Variants in MGST1 observed in about 807,000 individuals in gnomAD.
MGST1 encodes the protein glutathione S-transferase 12.
Under a neutral mutation model 8.9 loss-of-function variants are expected in MGST1, and 5 were observed. The observed-to-expected ratio is 0.56, with a 90% CI of 0.29 to 1.19. The LOEUF is 1.19. Among genes scored for constraint, MGST1 ranks in the 50% most tolerant of loss-of-function variants. The pLI, the probability that MGST1 is intolerant of heterozygous loss-of-function variation, is 0.08. For synonymous variants in MGST1, 54 were observed against 67.8 expected, an observed-to-expected ratio of 0.80 and a Z score of 1.00; for missense variants, 182 against 187.4, an observed-to-expected ratio of 0.97 and a Z score of 0.17.
intron 4 of MGST1, among the ~76,000 whole-genome samples, chr12:16,473,753 C>T (rs1941302987): frequency 6.6e-6 from 1 of 152,094 alleles, no homozygotes; most frequent in African/African-American, 2.4e-5. Flanking sequence ...CGACAGCTCA[C>T]ACCTGTAATC....
chr12:16,377,303 C>A (rs1438945155), downstream of MGST1: 4 of 120,618 alleles, frequency 3.3e-5, no homozygotes, highest in South Asian at 3.5e-4. Flanking sequence ...CCCCTCCCCC[C>A]ACCCCGCAAC....
intron 4 of MGST1, among the ~76,000 whole-genome samples, chr12:16,539,004 A>G (rs1165452463): frequency 6.6e-6 from 1 of 152,194 alleles, no homozygotes; most frequent in Non-Finnish European, 1.5e-5. Flanking sequence ...AGATTTATTC[A>G]CTACCATGAG....
intron 1 of MGST1, among the ~76,000 whole-genome samples, chr12:16,351,329 C>CAA (rs3028593): frequency 0.68 from 103,868 of 151,772 alleles, 36,099 homozygotes; most frequent in Middle Eastern, 0.75. Flanking sequence ...AATACTAGAA[C>CAA]AAGCAGACAC....
intron 4 of MGST1, among the ~76,000 whole-genome samples, chr12:16,523,455 A>G (rs759179822): frequency 1.3e-5 from 2 of 151,824 alleles, no homozygotes; most frequent in Non-Finnish European, 2.9e-5. Context: ...CTCTCCTCCT[A>G]CCTCTTCCAG....
intron 4 of MGST1, among the ~76,000 whole-genome samples, chr12:16,453,762 T>C (rs1457292234): frequency 6.6e-6 from 1 of 151,846 alleles, no homozygotes; most frequent in African/African-American, 2.4e-5. Flanking sequence ...CTTACCCTCA[T>C]CTCTGCCTTC....
Position 16,477,561 on chromosome 12 carries a change from C to T in MGST1, n.482+93957C>T, listed in dbSNP as rs552672245. On this transcript the variant is annotated intron_variant and non_coding_transcript_variant, in intron 4 of 4. Coordinates refer to the MGST1 transcript ENST00000538857. ...TAGGGTATTTTTAAAAATAAAATTA[C>T]TATCTTACTTGTATACTACTCAACT... Among the ~76,000 whole-genome samples the T allele has an allele frequency of 3.3e-5, 5 of 152,212 alleles. No individual in the cohort carries two copies. In the South Asian group the frequency reaches 1.0e-3, roughly 32 times the overall value.
rs1940100171 is a variant in MGST1 at position 16,363,674 on chromosome 12, A to G, written c.222-121A>G. On this transcript the variant is annotated intron_variant, in intron 3 of 3. Coordinates refer to ENST00000396210, the MANE Select transcript of MGST1 (RefSeq NM_020300.5). This position sits in a 1 kb window ranked among gnomAD's most constrained non-coding sequence, Gnocchi z 4.6. Reference sequence around the variant, plus strand: ...AGACAATTTGAGAGAAAAAAAATAAATCTTACTTTGAAATTTAAGGATCCA... The same window carrying G: ...AGACAATTTGAGAGAAAAAAAATAAGTCTTACTTTGAAATTTAAGGATCCA... The G allele has an allele frequency of 4.9e-6, 4 of 824,094 alleles. No homozygotes were observed. The highest frequency in any genetic ancestry group is 1.7e-5 in the African/African-American group (1 of 58,076). The allele number at this position is 824,094 out of a possible 1,614,324, so 51.0% of individuals were successfully genotyped here.
chr12:16,421,991 G>C (rs544728544), intron 1 of MGST1, among the ~76,000 whole-genome samples: 2 of 152,118 alleles, frequency 1.3e-5, no homozygotes, highest in African/African-American at 4.8e-5. Context: ...GGACATTTTT[G>C]GCAGCAGTGT....
At chr12:16,561,213 A>C (rs1942393356) in intron 4 of MGST1, among the ~76,000 whole-genome samples, 1 of 152,304 alleles carries the variant, frequency 6.6e-6, no homozygotes, top group South Asian at 2.1e-4. Context: ...TTTGCTGCAG[A>C]TTCCTGAGAA....
intron 4 of MGST1, among the ~76,000 whole-genome samples, chr12:16,568,119 A>C (rs1264031079): frequency 6.6e-6 from 1 of 152,212 alleles, no homozygotes; most frequent in Non-Finnish European, 1.5e-5. Flanking sequence ...ATCTTGGTGA[A>C]AGTTATTGTC....
intron 1 of MGST1, among the ~76,000 whole-genome samples, chr12:16,386,165 A>C (rs1591713955): frequency 1.3e-5 from 2 of 152,192 alleles, no homozygotes; most frequent in East Asian, 3.9e-4. Context: ...CAAAGTATCC[A>C]AGCAGTTTGT....
At chr12:16,365,424 G>C (rs1940167977), downstream of MGST1, among the ~76,000 whole-genome samples, 1 of 152,058 alleles carries the variant, frequency 6.6e-6, no homozygotes, top group African/African-American at 2.4e-5. Flanking sequence ...TTCTCAAACA[G>C]TACTTTTAAT....
intron 1 of MGST1, among the ~76,000 whole-genome samples, chr12:16,387,548 A>T (rs1322919333): frequency 1.4e-5 from 2 of 145,958 alleles, no homozygotes; most frequent in African/African-American, 5.1e-5. Flanking sequence ...TTTTTTTGAG[A>T]TGGAGTCTCG....
chr12:16,512,239 G>A (rs1202884172), intron 4 of MGST1, among the ~76,000 whole-genome samples: 1 of 152,084 alleles, frequency 6.6e-6, no homozygotes, highest in East Asian at 1.9e-4. Context: ...GGTATGGATG[G>A]TGGGGAAGAT....
chr12:16,372,931 T>C (rs1390952206), intron 3 of MGST1, among the ~76,000 whole-genome samples: 1 of 144,220 alleles, frequency 6.9e-6, no homozygotes, highest in Non-Finnish European at 1.5e-5. Flanking sequence ...TTTTATATTG[T>C]ATATTTTATA....
At chr12:16,540,652 A>G (rs925686849) in intron 4 of MGST1, among the ~76,000 whole-genome samples, 2 of 152,160 alleles carry the variant, frequency 1.3e-5, no homozygotes, top group African/African-American at 4.8e-5. Context: ...TATTTGAGGC[A>G]AGGCGTGGTG....
chr12:16,591,198 A>T (rs1943486315), downstream of MGST1, among the ~76,000 whole-genome samples: 1 of 151,624 alleles, frequency 6.6e-6, no homozygotes, highest in Non-Finnish European at 1.5e-5. This position sits in a 1 kb window ranked among gnomAD's most constrained non-coding sequence, Gnocchi z 4.1. Flanking sequence ...GCTCTCCCAC[A>T]CCCCAGCTGC....
At chr12:16,424,902 G>A (rs1940872090) in intron 1 of MGST1, among the ~76,000 whole-genome samples, 1 of 152,124 alleles carries the variant, frequency 6.6e-6, no homozygotes, top group South Asian at 2.1e-4. Flanking sequence ...GTTCCCAAAA[G>A]TCAGGCTTTT....
chr12:16,376,519 C>CAGATATGATAATGGCA (rs1940382926), exon 4 of MGST1: 2 of 159,520 alleles, frequency 1.3e-5, no homozygotes, highest in African/African-American at 4.8e-5. Context: ...AAACCCATTT[C>CAGATATGATAATGGCA]TTCCGCAAAA....
Sources: allele counts gnomAD v4.1 joint callset (sites outside exome capture counted in the v4.1 genomes callset), GRCh38; gene constraint gnomAD v4.1.1; non-coding constraint Gnocchi (gnomAD v3.1); transcripts MANE v1.5; gene names NCBI Gene and HGNC (gene_info 2026-07-23, HGNC 2026-07-21).